Variants in LRRTM4 observed in about 807,000 individuals in gnomAD.
LRRTM4 encodes leucine-rich repeat transmembrane neuronal protein 4.
Under a neutral mutation model 47.6 loss-of-function variants are expected in LRRTM4, and 25 were observed. The ratio of observed to expected loss-of-function variants is 0.53; its 90% confidence interval spans 0.38 to 0.73. The LOEUF is 0.73. LRRTM4 is among the 30% of genes least tolerant of loss of function. LRRTM4 has a pLI of 0.00. For synonymous variants in LRRTM4, 311 were observed against 269.5 expected (o/e 1.15, Z -1.51); for missense variants, 638 against 713.4 (o/e 0.89, Z 1.20).
intron 3 of LRRTM4, among the ~76,000 whole-genome samples, chr2:77,085,456 A>G (rs1680680957): frequency 1.3e-5 from 2 of 151,564 alleles, no homozygotes; most frequent in Non-Finnish European, 1.5e-5. Context: ...TAAATAAAAG[A>G]CAGATTAACT....
At chr2:76,815,022 T>G (rs1670859367) in intron 3 of LRRTM4, among the ~76,000 whole-genome samples, 1 of 152,018 alleles carries the variant, frequency 6.6e-6, no homozygotes, top group East Asian at 1.9e-4. Flanking sequence ...GGGGTGGAGA[T>G]GAGAAGCGGA....
intron 3 of LRRTM4, among the ~76,000 whole-genome samples, chr2:77,027,524 G>A (rs1410026187): frequency 1.3e-5 from 2 of 152,076 alleles, no homozygotes; most frequent in Non-Finnish European, 2.9e-5. Flanking sequence ...TCTTATGGTG[G>A]AAACTATTTA....
chr2:76,996,792 A>C (rs1308411617), intron 3 of LRRTM4, among the ~76,000 whole-genome samples: 2 of 152,176 alleles, frequency 1.3e-5, no homozygotes, highest in Non-Finnish European at 1.5e-5. Flanking sequence ...AATTAAGTGT[A>C]GTTATAGAAA....
chr2:76,804,639 ATAC>A (rs914910623), intron 3 of LRRTM4, among the ~76,000 whole-genome samples: 11 of 124,532 alleles, frequency 8.8e-5, no homozygotes, highest in Non-Finnish European at 1.1e-4. Context: ...GTACATATAT[ATAC>A]TATATATATA....
intron 3 of LRRTM4, among the ~76,000 whole-genome samples, chr2:76,871,349 A>T (rs1451487102): frequency 6.6e-6 from 1 of 152,166 alleles, no homozygotes; most frequent in Non-Finnish European, 1.5e-5. Flanking sequence ...GGAGTTGAGG[A>T]TTTGACCATC....
intron 3 of LRRTM4, among the ~76,000 whole-genome samples, chr2:76,859,794 C>A (rs1672258619): frequency 6.6e-6 from 1 of 151,488 alleles, no homozygotes; most frequent in African/African-American, 2.4e-5. Flanking sequence ...AAAATGTATC[C>A]CCTGGTTGTG....
At chr2:76,782,349 G>A (rs897666542) in intron 3 of LRRTM4, among the ~76,000 whole-genome samples, 22 of 152,104 alleles carry the variant, frequency 1.4e-4, no homozygotes, top group African/African-American at 4.8e-4. Flanking sequence ...GCTTTTTCTT[G>A]TAATTTTATG....
chr2:76,761,342 T>C (rs1171982030), intron 3 of LRRTM4, among the ~76,000 whole-genome samples: 1 of 152,238 alleles, frequency 6.6e-6, no homozygotes, highest in East Asian at 1.9e-4. Context: ...GCCTCTTCAC[T>C]TGGCCCTATT....
At chr2:76,981,813 A>G (rs1016077850) in intron 3 of LRRTM4, among the ~76,000 whole-genome samples, 9 of 151,848 alleles carry the variant, frequency 5.9e-5, no homozygotes, top group African/African-American at 1.9e-4. Flanking sequence ...TTTTAAATCT[A>G]TTAAGAAATA....
chr2:76,971,436 T>C, intron 3 of LRRTM4, among the ~76,000 whole-genome samples: 1 of 151,974 alleles, frequency 6.6e-6, no homozygotes, highest in South Asian at 2.1e-4. Flanking sequence ...CCAGAAGGAA[T>C]ATCAGTTGAG....
intron 3 of LRRTM4, among the ~76,000 whole-genome samples, chr2:76,794,312 A>G (rs570178987): frequency 3.9e-5 from 6 of 152,334 alleles, no homozygotes; most frequent in South Asian, 2.1e-4. Flanking sequence ...CTGCATTAGT[A>G]TGAAAGGAAG....
intron 3 of LRRTM4, among the ~76,000 whole-genome samples, chr2:77,098,964 A>C (rs554631242): frequency 6.6e-6 from 1 of 152,130 alleles, no homozygotes; most frequent in African/African-American, 2.4e-5. Flanking sequence ...ATAATATAAA[A>C]GTCTGAAAGT....
At chr2:77,131,113 C>T (rs1426684907) in intron 3 of LRRTM4, among the ~76,000 whole-genome samples, 7 of 148,690 alleles carry the variant, frequency 4.7e-5, no homozygotes, top group South Asian at 2.2e-4. Context: ...GGATTACAGG[C>T]GTCAGCCACC....
chr2:77,416,480 G>C (rs1256156084), intron 3 of LRRTM4, among the ~76,000 whole-genome samples: 2 of 151,994 alleles, frequency 1.3e-5, no homozygotes, highest in Non-Finnish European at 2.9e-5. Flanking sequence ...CTTTGAGTTT[G>C]TTCATGAACA....
At chr2:76,765,163 C>T (rs960135448) in intron 3 of LRRTM4, among the ~76,000 whole-genome samples, 4 of 152,004 alleles carry the variant, frequency 2.6e-5, no homozygotes, top group African/African-American at 9.6e-5. Flanking sequence ...TCTTTCATTT[C>T]TCTCTGTTAG....
intron 3 of LRRTM4, among the ~76,000 whole-genome samples, chr2:76,794,756 T>C (rs1424684094): frequency 6.6e-6 from 1 of 152,160 alleles, no homozygotes; most frequent in African/African-American, 2.4e-5. Flanking sequence ...TGTACTTTTG[T>C]GGGATGTGTA....
intron 3 of LRRTM4, among the ~76,000 whole-genome samples, chr2:76,923,718 A>G (rs1674504296): frequency 6.6e-6 from 1 of 152,044 alleles, no homozygotes; most frequent in African/African-American, 2.4e-5. Context: ...ATTTTGCAAA[A>G]CAATCTCAGA....
At chr2:77,100,057 G>T (rs942512899) in intron 3 of LRRTM4, among the ~76,000 whole-genome samples, 2 of 151,622 alleles carry the variant, frequency 1.3e-5, no homozygotes, top group East Asian at 1.9e-4. Flanking sequence ...GTGTCCTCTT[G>T]GTCCTTTAAG....
At chr2:77,243,773 CT>C (rs68042043) in intron 3 of LRRTM4, among the ~76,000 whole-genome samples, 18 of 145,784 alleles carry the variant, frequency 1.2e-4, no homozygotes, top group East Asian at 1.2e-3. Context: ...TTTCTTTTTC[CT>C]TTTTTTTTAT....
Sources: allele counts gnomAD v4.1 joint callset (sites outside exome capture counted in the v4.1 genomes callset), GRCh38; gene constraint gnomAD v4.1.1; transcripts MANE v1.5; gene names NCBI Gene and HGNC (gene_info 2026-07-23, HGNC 2026-07-21).